Variants in FBN1 observed in about 807,000 individuals in gnomAD.
FBN1 encodes fibrillin-1.
FBN1 carries 29 observed loss-of-function variants against 365.1 expected under a neutral mutation model. That is an observed-to-expected ratio of 0.08 (90% CI 0.06 to 0.11). The LOEUF (loss-of-function observed/expected upper bound fraction) is 0.11. Ranked by LOEUF, FBN1 falls within the 10% of genes least tolerant of loss-of-function variation. The probability of loss-of-function intolerance (pLI) is 1.00; values close to 1 mark genes in which losing one functional copy is unlikely to be tolerated. For missense variants in FBN1, 2,476 were observed against 3,703.2 expected (o/e 0.67, Z 8.60); for synonymous variants, 1,210 against 1,270.5 (o/e 0.95, Z 1.01).
chr15:48,539,986 T>C (rs2044045777), intron 6 of FBN1, among the ~76,000 whole-genome samples: 1 of 152,196 alleles, frequency 6.6e-6, no homozygotes. Context: ...GTTGAATAAA[T>C]CTCAGCCCTC....
chr15:48,444,225 G>T, intron 49 of FBN1, among the ~76,000 whole-genome samples: 1 of 152,068 alleles, frequency 6.6e-6, no homozygotes, highest in East Asian at 1.9e-4. Flanking sequence ...GCAAAGAATC[G>T]CCACTTAAAA....
chr15:48,557,795 AC>A (rs1337536016), intron 6 of FBN1, among the ~76,000 whole-genome samples: 2 of 152,162 alleles, frequency 1.3e-5, no homozygotes, highest in African/African-American at 2.4e-5. Flanking sequence ...GCCCTAAGAC[AC>A]TGGCTATCAG....
intron 44 of FBN1, among the ~76,000 whole-genome samples, chr15:48,454,438 T>TACAAA (rs1384210153): frequency 2.0e-5 from 3 of 152,094 alleles, no homozygotes; most frequent in Admixed American, 6.6e-5. Context: ...GTTGTCTGTC[T>TACAAA]ACAAAACAAA....
rs1416288007 is a variant in FBN1, at chr15:48,474,603, C to T, written c.4012G>A (p.Val1338Ile). ...AAGCTTCCTGCTGTATTGGTACATA[C>T]AGCATGTTTGCCACAGTTGTGTGCT... is the stretch of plus-strand genomic sequence containing the variant. ...IGAHNCGKHA[V>I]CTNTAGSFKC... The change falls in exon 33 of 66, where the codon GTA (valine) becomes ATA (isoleucine). Residue 1338 changes from valine to isoleucine, a missense_variant. Around this residue, in one of 5 missense-constraint regions of FBN1, gnomAD observed 1,780 missense variants for 2,840.8 expected, o/e 0.63. Transcript: ENST00000316623. 1.1e-5 allele frequency: 18 copies of T among 1,614,168 alleles called. No homozygotes were observed. Among genetic ancestry groups the T allele is most frequent in the Non-Finnish European group, 1.5e-5 (18 of 1,180,014 alleles).
Position 48,539,796 on chromosome 15 carries a change from CT to C in FBN1, c.539-1989del, listed in dbSNP as rs761523060. On this transcript the variant is annotated intron_variant, in intron 6 of 65. Coordinates refer to ENST00000316623, the MANE Select transcript of FBN1 (RefSeq NM_000138.5). ...GACACTTTCTCTGTTTATCATTTGT[CT>C]TTTTTTTTTTACTTTGTTTATGCAT... Among the ~76,000 whole-genome samples, 1,419 of 145,064 alleles carry C rather than the reference CT, an allele frequency of 9.8e-3. 9 individuals are homozygous for C. The highest frequency in any genetic ancestry group is 0.012 in the Admixed American group (178 of 14,504).
chr15:48,441,061 GTT>G (rs2043110320), intron 50 of FBN1, among the ~76,000 whole-genome samples: 1 of 152,104 alleles, frequency 6.6e-6, no homozygotes, highest in South Asian at 2.1e-4. Context: ...CAACTGTATT[GTT>G]TAGAAAAGTC....
Position 48,465,854 on chromosome 15 carries a change from C to G in FBN1, c.4752G>C (p.Glu1584Asp). ...CCCCTCCAGGACAAAGAATTTTGTA[C>G]TCGGCTATTGAAACAAAAATTCAAA... ...CEMCPAVNTS[E>D]YKILCPGGEG... The change falls in exon 39 of 66, where the codon GAG becomes GAC. Residue 1584 changes from glutamate to aspartate, a missense_variant. Transcript: ENST00000316623. 1 of 1,611,966 alleles carries G rather than the reference C, an allele frequency of 6.2e-7. No individual in the cohort carries two copies. The highest frequency in any genetic ancestry group is 8.5e-7 in the Non-Finnish European group (1 of 1,178,150).
intron 6 of FBN1, among the ~76,000 whole-genome samples, chr15:48,585,715 T>A (rs2044430330): frequency 1.3e-5 from 2 of 152,240 alleles, no homozygotes; most frequent in Non-Finnish European, 2.9e-5. Flanking sequence ...AGTACCATAG[T>A]CTGACTGAAA....
chr15:48,543,699 G>C (rs1429801833), intron 6 of FBN1, among the ~76,000 whole-genome samples: 1 of 152,138 alleles, frequency 6.6e-6, no homozygotes, highest in Non-Finnish European at 1.5e-5. Context: ...GAAGTACAGA[G>C]ATTATTTTAG....
At chr15:48,461,112 T>C (rs2043277087) in intron 42 of FBN1, among the ~76,000 whole-genome samples, 2 of 152,292 alleles carry the variant, frequency 1.3e-5, no homozygotes, top group South Asian at 4.2e-4. Flanking sequence ...AAATACAGCA[T>C]GTTATTCTCC....
intron 51 of FBN1, 77 bp from the exon 52 acceptor site, chr15:48,437,464 A>G (rs749328006): frequency 7.9e-7 from 1 of 1,266,286 alleles, no homozygotes; most frequent in Non-Finnish European, 1.2e-6. Flanking sequence ...TTTGAGGTAG[A>G]AAATTGCTAC....
chr15:48,510,287 T>A, intron 13 of FBN1, 118 bp from the exon 14 acceptor site: 1 of 925,778 alleles, frequency 1.1e-6, no homozygotes. Context: ...AATTACTTAA[T>A]AATATTCTCC....
At chr15:48,633,982 C>T (rs1048421018) in intron 2 of FBN1, among the ~76,000 whole-genome samples, 1 of 152,100 alleles carries the variant, frequency 6.6e-6, no homozygotes, top group Non-Finnish European at 1.5e-5. Flanking sequence ...TAAAATCTGT[C>T]CTACTATAAC....
intron 10 of FBN1, among the ~76,000 whole-genome samples, chr15:48,518,879 A>G (rs1297265592): frequency 6.6e-6 from 1 of 152,204 alleles, no homozygotes. Flanking sequence ...ATTTTGCTCT[A>G]TAAATCTGTT....
intron 6 of FBN1, among the ~76,000 whole-genome samples, chr15:48,584,991 C>T (rs1441603304): frequency 1.3e-5 from 2 of 152,184 alleles, no homozygotes; most frequent in Non-Finnish European, 2.9e-5. Context: ...TGCCTTTTAA[C>T]GTTCACGAGT....
At chr15:48,598,448 T>C (rs777267738) in intron 5 of FBN1, among the ~76,000 whole-genome samples, 6 of 152,228 alleles carry the variant, frequency 3.9e-5, no homozygotes, top group Non-Finnish European at 7.3e-5. Flanking sequence ...CACTCTTCTT[T>C]CCTAGCCCTA....
At chr15:48,464,207 G>A (rs2043302816) in intron 40 of FBN1, among the ~76,000 whole-genome samples, 186 bp from the exon 41 acceptor site, 1 of 152,170 alleles carries the variant, frequency 6.6e-6, no homozygotes, top group African/African-American at 2.4e-5. Flanking sequence ...TGAGGAAAGA[G>A]GGTTTTAGAA....
At chr15:48,440,900 G>GGA (rs1555395426) in intron 50 of FBN1, among the ~76,000 whole-genome samples, 1 of 141,516 alleles carries the variant, frequency 7.1e-6, no homozygotes, top group East Asian at 2.0e-4. Flanking sequence ...AAAAAACCAT[G>GGA]AAAAAAAAAA....
At chr15:48,601,686 G>C (rs1195406745) in intron 4 of FBN1, among the ~76,000 whole-genome samples, 3 of 152,186 alleles carry the variant, frequency 2.0e-5, no homozygotes, top group Admixed American at 6.5e-5. Flanking sequence ...TTGACTTCAG[G>C]AGAAAGGGAC....
Sources: gnomAD v4.1 joint callset for allele counts (sites outside exome capture counted in the v4.1 genomes callset) on GRCh38, gnomAD v4.1.1 for gene constraint, gnomAD v4.1.1 regional missense constraint, MANE v1.5 for transcripts, NCBI Gene and HGNC (gene_info 2026-07-23, HGNC 2026-07-21) for gene names.